Variants in LRP1B observed in about 807,000 individuals in gnomAD.
LRP1B encodes low-density lipoprotein receptor-related protein 1B.
LRP1B carries 217 observed loss-of-function variants against 556.6 expected under a neutral mutation model. The observed-to-expected ratio is 0.39, with a 90% CI of 0.35 to 0.44. LRP1B has a LOEUF of 0.44. Among genes scored for constraint, LRP1B ranks in the 20% least tolerant of loss-of-function variants. LRP1B has a pLI of 1.00. For synonymous variants in LRP1B, 2,047 were observed against 1,865.8 expected (o/e 1.10, Z -2.50); for missense variants, 5,053 against 5,620.8 (o/e 0.90, Z 3.23).
In LRP1B at chr2:141,480,511, C is replaced by T. The variant is rs1433589074; in HGVS notation, c.228G>A (p.Lys76=). The T allele has an allele frequency of 1.9e-6, 3 of 1,613,790 alleles. No homozygotes were observed. Among genetic ancestry groups the T allele is most frequent in the African/African-American group, 2.7e-5 (2 of 74,874 alleles). Residue 76 remains lysine, a synonymous_variant, in exon 3 of 91, where the codon AAG becomes AAA. Coordinates refer to ENST00000389484, the MANE Select transcript of LRP1B (RefSeq NM_018557.3). ...LDTCPEEVEI[K]CPLNHIACLG... is the part of the protein sequence containing the mutation. ...GGCAAGCAATGTGATTCAAGGGGCA[C>T]TTGATTTCTACCTCCTCGGGACCTG...
intron 43 of LRP1B, among the ~76,000 whole-genome samples, chr2:140,566,212 CA>C (rs2105091640): frequency 6.6e-6 from 1 of 152,260 alleles, no homozygotes; most frequent in African/African-American, 2.4e-5. Context: ...ACCCCTTCGC[CA>C]GGGGGTCAAG....
chr2:141,331,739 A>C (rs1687665721), intron 3 of LRP1B, among the ~76,000 whole-genome samples: 1 of 152,118 alleles, frequency 6.6e-6, no homozygotes, highest in African/African-American at 2.4e-5. Flanking sequence ...GTCTTTGGAA[A>C]GGGAGATATT....
intron 41 of LRP1B, among the ~76,000 whole-genome samples, chr2:140,676,130 G>A (rs1391520224): frequency 1.3e-5 from 2 of 152,094 alleles, no homozygotes; most frequent in Non-Finnish European, 2.9e-5. Flanking sequence ...CAGTGTTACT[G>A]GAACATTCCT....
rs534995238 is a variant in LRP1B, at chr2:142,005,278, G to T, written c.82+125370C>A. ...AATAAGGATTAACACGGAAAATTGT[G>T]TTTTTCAAATTATATAGGAAGCTAA... On this transcript the variant is annotated intron_variant, in intron 1 of 90. Transcript: ENST00000389484. Among the ~76,000 whole-genome samples the T allele has an allele frequency of 1.8e-4, 28 of 151,948 alleles. 1 individual carries two copies. The highest frequency in any genetic ancestry group is 6.5e-4 in the African/African-American group (27 of 41,466).
intron 19 of LRP1B, 34 bp from the exon 20 acceptor site, chr2:140,950,436 C>T (rs376684269): frequency 5.8e-6 from 9 of 1,539,024 alleles, no homozygotes; most frequent in East Asian, 2.3e-5. Context: ...GCAGTGAAAT[C>T]TGAACCATGA....
chr2:140,260,700 A>G (rs767633535), intron 86 of LRP1B, among the ~76,000 whole-genome samples: 2 of 151,632 alleles, frequency 1.3e-5, no homozygotes, highest in Non-Finnish European at 2.9e-5. Context: ...TCCCACATTT[A>G]CTTAAGGTCT....
chr2:141,844,334 A>G lies in LRP1B; in HGVS notation c.83-33933T>C, dbSNP rs187628110. On this transcript the variant is annotated intron_variant, in intron 1 of 90. Coordinates refer to ENST00000389484, the MANE Select transcript of LRP1B (RefSeq NM_018557.3). ...TACAGAACTCTTTATCATTTTTGCTACTATGAAAATGGAAATTAAATCACT... is the reference window on the plus strand; with the variant it reads ...TACAGAACTCTTTATCATTTTTGCTGCTATGAAAATGGAAATTAAATCACT... Among the ~76,000 whole-genome samples, 81 of 152,204 alleles carry G rather than the reference A, an allele frequency of 5.3e-4. 1 individual carries two copies. The highest frequency in any genetic ancestry group is 1.5e-4 in the Non-Finnish European group (10 of 67,996).
chr2:140,583,179 T>TC (rs796394468), intron 43 of LRP1B, among the ~76,000 whole-genome samples: 26 of 142,186 alleles, frequency 1.8e-4, no homozygotes, highest in Middle Eastern at 3.5e-3. Context: ...TTCTTTTTTT[T>TC]TTTTTTTTTT....
chr2:140,432,522 C>T (rs1685996068), intron 66 of LRP1B, among the ~76,000 whole-genome samples: 1 of 152,176 alleles, frequency 6.6e-6, no homozygotes, highest in Non-Finnish European at 1.5e-5. Flanking sequence ...TATTACTGCT[C>T]AGAGTCTGTT....
intron 43 of LRP1B, among the ~76,000 whole-genome samples, chr2:140,577,168 A>T (rs6732761): frequency 2.6e-5 from 4 of 151,804 alleles, no homozygotes; most frequent in African/African-American, 2.4e-5. Flanking sequence ...TTGAAAGTTA[A>T]GCCAAGTACA....
intron 1 of LRP1B, among the ~76,000 whole-genome samples, chr2:142,023,381 T>G (rs187802483): frequency 2.3e-4 from 35 of 152,352 alleles, no homozygotes; most frequent in Admixed American, 6.5e-4. Context: ...CTGTCTGGCA[T>G]GAATTTGGAG....
At chr2:141,363,897 T>C (rs550940879) in intron 3 of LRP1B, among the ~76,000 whole-genome samples, 23 of 152,292 alleles carry the variant, frequency 1.5e-4, no homozygotes, top group South Asian at 1.2e-3. Flanking sequence ...AAACGTATAT[T>C]TATTCTACAA....
Position 140,585,349 on chromosome 2 carries a change from T to C in LRP1B, c.7194+13282A>G, listed in dbSNP as rs757399832. ...TCGGCTTACTAAACAACAGGTCTTA[T>C]ATCTAAGTTTCAAATTCATGTCTAA... On this transcript the variant is annotated intron_variant, in intron 43 of 90. Transcript: ENST00000389484. Among the ~76,000 whole-genome samples, 3 of 152,124 alleles carry C rather than the reference T, an allele frequency of 2.0e-5. 1 individual carries two copies. The South Asian group carries it at 6.2e-4, about 31-fold the overall frequency.
chr2:140,963,326 G>C (rs1696094828), intron 18 of LRP1B, among the ~76,000 whole-genome samples: 1 of 151,836 alleles, frequency 6.6e-6, no homozygotes, highest in African/African-American at 2.4e-5. Context: ...AAGAAGAAAG[G>C]AAAAGAACAT....
At chr2:141,005,637 T>C (rs867762479) in intron 14 of LRP1B, among the ~76,000 whole-genome samples, 180 bp from the exon 15 acceptor site, 2 of 152,022 alleles carry the variant, frequency 1.3e-5, no homozygotes, top group African/African-American at 2.4e-5. Flanking sequence ...AGGTGGTGCA[T>C]TGGTAGATAA....
intron 2 of LRP1B, among the ~76,000 whole-genome samples, chr2:141,600,455 G>A (rs1687685282): frequency 6.6e-6 from 1 of 152,190 alleles, no homozygotes; most frequent in African/African-American, 2.4e-5. Flanking sequence ...GGTGGTGGTA[G>A]AACTGGGAAG....
At position 140,898,774 on chromosome 2, in the gene LRP1B, A is replaced by G. The variant is rs889323591; in HGVS notation, c.3766+4146T>C. On this transcript the variant is annotated intron_variant, in intron 23 of 90. Coordinates refer to ENST00000389484, the MANE Select transcript of LRP1B (RefSeq NM_018557.3). ...CTCAAGACCCTGAGCCTCTCTGGGA[A>G]CCAACTGGGAGCGCTATCACCCAAC... The G allele has an allele frequency of 5.2e-6, 3 of 578,492 alleles. No individual in the cohort carries two copies. In the African/African-American group the frequency reaches 5.6e-5, roughly 11 times the overall value. The allele number at this position is 578,492 out of a possible 1,614,324, so 35.8% of individuals were successfully genotyped here.
At chr2:142,109,587 C>A (rs929890471) in intron 1 of LRP1B, among the ~76,000 whole-genome samples, 1 of 151,996 alleles carries the variant, frequency 6.6e-6, no homozygotes, top group Admixed American at 6.6e-5. Flanking sequence ...GATATTCTTC[C>A]AATTATTAAA....
intron 61 of LRP1B, among the ~76,000 whole-genome samples, chr2:140,456,989 G>A (rs1050761206): frequency 6.6e-6 from 1 of 152,072 alleles, no homozygotes; most frequent in South Asian, 2.1e-4. Flanking sequence ...TGCTTTATAG[G>A]CCGGATAGGT....
Sources: gnomAD v4.1 joint callset for allele counts (sites outside exome capture counted in the v4.1 genomes callset) on GRCh38, gnomAD v4.1.1 for gene constraint, MANE v1.5 for transcripts, NCBI Gene and HGNC (gene_info 2026-07-23, HGNC 2026-07-21) for gene names.